Variants in NCKAP5 observed in about 807,000 individuals in gnomAD.
NCKAP5 encodes the protein nck-associated protein 5.
In NCKAP5, 92 loss-of-function variants were observed where a neutral mutation model predicts 167.0. That is an observed-to-expected ratio of 0.55 (90% CI 0.47 to 0.66). The LOEUF is 0.66. Among genes scored for constraint, NCKAP5 ranks in the 30% least tolerant of loss-of-function variants. The pLI, the probability that NCKAP5 is intolerant of heterozygous loss-of-function variation, is 0.00. For missense variants in NCKAP5, 2,378 were observed against 2,315.0 expected (o/e 1.03, Z -0.56); for synonymous variants, 891 against 877.4 (o/e 1.02, Z -0.27).
chr2:133,382,153 G>A (rs547408112), intron 3 of NCKAP5, among the ~76,000 whole-genome samples: 6 of 152,238 alleles, frequency 3.9e-5, no homozygotes, highest in African/African-American at 1.4e-4. Context: ...AGTCATCCTT[G>A]TCTCCCGCCT....
chr2:133,344,766 T>C (rs1683848295), intron 3 of NCKAP5, among the ~76,000 whole-genome samples: 1 of 152,104 alleles, frequency 6.6e-6, no homozygotes. Flanking sequence ...GCTGATAATA[T>C]ATACCACCAT....
At chr2:133,256,840 C>T (rs1329423746) in intron 4 of NCKAP5, among the ~76,000 whole-genome samples, 1 of 152,132 alleles carries the variant, frequency 6.6e-6, no homozygotes, top group Non-Finnish European at 1.5e-5. Flanking sequence ...CAGCCCTCAT[C>T]CTCTGTGTCT....
At chr2:132,868,616 A>G (rs1324120098) in intron 10 of NCKAP5, among the ~76,000 whole-genome samples, 3 of 152,180 alleles carry the variant, frequency 2.0e-5, no homozygotes, top group Non-Finnish European at 4.4e-5. Context: ...TACTCGTTTT[A>G]TAGGAATTGG....
At chr2:133,395,671 G>A (rs563354035) in intron 3 of NCKAP5, among the ~76,000 whole-genome samples, 1 of 152,000 alleles carries the variant, frequency 6.6e-6, no homozygotes, top group Non-Finnish European at 1.5e-5. Flanking sequence ...TTAGAGACAG[G>A]GTTTCTCTCC....
intron 19 of NCKAP5, among the ~76,000 whole-genome samples, chr2:132,683,743 AG>A (rs2105061060): frequency 6.6e-6 from 1 of 152,318 alleles, no homozygotes; most frequent in East Asian, 1.9e-4. Flanking sequence ...AGCCAAGTCC[AG>A]GCAATTTGCT....
At chr2:133,307,230 T>C (rs868082193) in intron 3 of NCKAP5, among the ~76,000 whole-genome samples, 25 of 152,188 alleles carry the variant, frequency 1.6e-4, no homozygotes, top group South Asian at 8.3e-4. Flanking sequence ...ATAAACTTAA[T>C]CTGTAACTAA....
At chr2:133,038,384 G>A (rs772784024) in intron 6 of NCKAP5, among the ~76,000 whole-genome samples, 22 of 152,098 alleles carry the variant, frequency 1.4e-4, no homozygotes, top group Non-Finnish European at 3.1e-4. Context: ...GACAAACATC[G>A]CATGTTTTCA....
At chr2:133,518,008 G>A (rs1020363176) in intron 2 of NCKAP5, among the ~76,000 whole-genome samples, 2 of 152,096 alleles carry the variant, frequency 1.3e-5, no homozygotes, top group African/African-American at 4.8e-5. Flanking sequence ...TGAGCTCAAG[G>A]CCCAATGAAG....
At chr2:132,963,891 G>C in intron 7 of NCKAP5, 22 bp from the exon 8 acceptor site, 1 of 1,612,200 alleles carries the variant, frequency 6.2e-7, no homozygotes, top group South Asian at 1.1e-5. Context: ...AAGAATTACT[G>C]TTTTCAATAA....
intron 6 of NCKAP5, among the ~76,000 whole-genome samples, chr2:133,068,573 C>T (rs774129109): frequency 4.6e-5 from 7 of 152,144 alleles, no homozygotes; most frequent in Non-Finnish European, 1.0e-4. Context: ...TCCCTGACCC[C>T]TGTTCAAGCT....
chr2:133,591,197 A>G, the NCKAP5 span, among the ~76,000 whole-genome samples: 1 of 152,188 alleles, frequency 6.6e-6, no homozygotes. Flanking sequence ...TGTCAGGTGG[A>G]GCAATGATCA....
the NCKAP5 span, among the ~76,000 whole-genome samples, chr2:133,625,457 C>G: frequency 6.6e-6 from 1 of 152,008 alleles, no homozygotes; most frequent in Non-Finnish European, 1.5e-5. Flanking sequence ...GATCCCAGTG[C>G]GAGGCAGGAG....
intron 4 of NCKAP5, among the ~76,000 whole-genome samples, chr2:133,229,276 T>A (rs2087033287): frequency 6.6e-6 from 1 of 152,232 alleles, no homozygotes; most frequent in Non-Finnish European, 1.5e-5. Flanking sequence ...TTCATAATTA[T>A]CATCTATTTC....
At chr2:133,446,097 A>C (rs1388885117) in intron 3 of NCKAP5, among the ~76,000 whole-genome samples, 1 of 152,196 alleles carries the variant, frequency 6.6e-6, no homozygotes, top group East Asian at 1.9e-4. Flanking sequence ...CTGCAGGAGA[A>C]AACTAGGAAG....
chr2:133,455,828 G>T (rs1191920373), intron 3 of NCKAP5, among the ~76,000 whole-genome samples: 1 of 152,100 alleles, frequency 6.6e-6, no homozygotes, highest in Non-Finnish European at 1.5e-5. Context: ...AAATAGCTGT[G>T]ACATTAAGAC....
At chr2:133,458,143 G>C (rs1177594048) in intron 3 of NCKAP5, among the ~76,000 whole-genome samples, 1 of 152,182 alleles carries the variant, frequency 6.6e-6, no homozygotes, top group African/African-American at 2.4e-5. Flanking sequence ...ACTTTATTGA[G>C]TTTGGAGTGG....
chr2:133,225,618 A>G (rs936904837), intron 4 of NCKAP5, among the ~76,000 whole-genome samples: 1 of 151,838 alleles, frequency 6.6e-6, no homozygotes, highest in Non-Finnish European at 1.5e-5. Flanking sequence ...TGGTTTTATT[A>G]TCATTATTTT....
intron 4 of NCKAP5, among the ~76,000 whole-genome samples, chr2:133,215,895 C>A (rs1452876676): frequency 6.6e-6 from 1 of 152,028 alleles, no homozygotes; most frequent in Non-Finnish European, 1.5e-5. Flanking sequence ...AAATTTACTA[C>A]ACAACTTATA....
At chr2:133,610,110 T>C in the NCKAP5 span, among the ~76,000 whole-genome samples, 1 of 152,214 alleles carries the variant, frequency 6.6e-6, no homozygotes, top group African/African-American at 2.4e-5. Flanking sequence ...ATCGATTTTC[T>C]ATCCAGAACA....
Sources: allele counts gnomAD v4.1 joint callset (sites outside exome capture counted in the v4.1 genomes callset), GRCh38; gene constraint gnomAD v4.1.1; transcripts MANE v1.5; gene names NCBI Gene and HGNC (gene_info 2026-07-23, HGNC 2026-07-21).